The following ADSL variants were observed in gnomAD, a reference collection of about 807,000 sequenced individuals.
ADSL encodes the protein adenylosuccinase.
A neutral mutation model predicts 62.1 loss-of-function variants in ADSL; 44 were observed. The observed-to-expected ratio is 0.71, with a 90% CI of 0.56 to 0.91. The LOEUF (loss-of-function observed/expected upper bound fraction) is 0.91, where lower values mean the gene tolerates loss of function less well. Ranked by LOEUF, ADSL falls within the 40% of genes least tolerant of loss-of-function variation. The probability of loss-of-function intolerance (pLI) is 0.00; values close to 1 mark genes in which losing one functional copy is unlikely to be tolerated. For synonymous variants in ADSL, 198 were observed against 220.5 expected, an observed-to-expected ratio of 0.90 and a Z score of 0.90; for missense variants, 531 against 627.4, an observed-to-expected ratio of 0.85 and a Z score of 1.64.
chr22:40,376,224 A>G (rs1251832192), intron 2 of ADSL: 2 of 111,964 alleles, frequency 1.8e-5, no homozygotes, highest in Non-Finnish European at 3.4e-5. Context: ...TTTTGGAAAC[A>G]GTACGGTAGT....
chr22:40,347,789 A>G lies in ADSL; in HGVS notation c.153+1078A>G, dbSNP rs5757922. Among the ~76,000 whole-genome samples the G allele has an allele frequency of 0.014, 2,100 of 152,338 alleles. 330 individuals are homozygous for G. The East Asian group carries it at 0.34, about 25-fold the overall frequency. ...CCCTGAAGAGTAGGTATGAAATACT[A>G]TGACTGTACCTGTTTTACAGATGGA... On this transcript the variant is annotated intron_variant, in intron 1 of 12. Transcript: ENST00000623063.
At chr22:40,362,906 A>C in intron 9 of ADSL, 75 bp from the exon 10 acceptor site, 1 of 1,350,552 alleles carries the variant, frequency 7.4e-7, no homozygotes, top group Non-Finnish European at 1.1e-6. Flanking sequence ...CAGTAGGGCA[A>C]CTTGTTGGGA....
At chr22:40,373,238 T>C (rs890048777), downstream of ADSL, 10 of 152,218 alleles carry the variant, frequency 6.6e-5, no homozygotes, top group African/African-American at 1.9e-4. Flanking sequence ...TGTACTACCT[T>C]ATCAACAACT....
chr22:40,359,871 G>T (rs1169832293), intron 6 of ADSL, among the ~76,000 whole-genome samples: 4 of 152,112 alleles, frequency 2.6e-5, no homozygotes, highest in South Asian at 4.1e-4. Flanking sequence ...AAAAGAAAAT[G>T]ATTTACTTCT....
intron 11 of ADSL, 195 bp downstream of exon 11, chr22:40,364,560 T>G (rs2044926448): frequency 2.9e-6 from 2 of 682,374 alleles, no homozygotes; most frequent in African/African-American, 1.8e-5. Flanking sequence ...AATTACTTAA[T>G]CACTTGTAGG....
At chr22:40,363,184 C>T in intron 10 of ADSL, 113 bp downstream of exon 10, 1 of 944,948 alleles carries the variant, frequency 1.1e-6, no homozygotes, top group South Asian at 1.3e-5. Flanking sequence ...GCATTCTTCC[C>T]ACCCGAGCTC....
chr22:40,362,757 C>T (rs1569101154), intron 9 of ADSL, among the ~76,000 whole-genome samples: 1 of 152,146 alleles, frequency 6.6e-6, no homozygotes, highest in Non-Finnish European at 1.5e-5. Context: ...ACCCATAGAT[C>T]AACCAGGTGG....
chr22:40,383,877 G>A (rs2047995085), intron 2 of ADSL, among the ~76,000 whole-genome samples: 1 of 152,186 alleles, frequency 6.6e-6, no homozygotes. Context: ...TTAAGGCAGT[G>A]GAAATGGAGA....
At chr22:40,373,332 CT>C (rs2146722080), downstream of ADSL, 1 of 152,348 alleles carries the variant, frequency 6.6e-6, no homozygotes, top group Non-Finnish European at 1.5e-5. Flanking sequence ...ATTTCTCCTG[CT>C]TTTCCTTTCT....
At chr22:40,357,629 T>C (rs2044615530) in intron 4 of ADSL, among the ~76,000 whole-genome samples, 1 of 152,230 alleles carries the variant, frequency 6.6e-6, no homozygotes, top group Admixed American at 6.5e-5. Context: ...GTTGTGTAGC[T>C]GTTCTCCATA....
At chr22:40,361,727 A>G (rs2044797362) in intron 9 of ADSL, 92 bp downstream of exon 9, 1 of 1,512,670 alleles carries the variant, frequency 6.6e-7, no homozygotes, top group African/African-American at 1.4e-5. Flanking sequence ...GCATCTCTAC[A>G]GTCTCCTTAT....
intron 3 of ADSL, 161 bp downstream of exon 3, chr22:40,353,278 T>TCTTCTCCTTTCTTCTTCTCTTCCTC: frequency 7.0e-6 from 5 of 710,930 alleles, no homozygotes; most frequent in Non-Finnish European, 7.7e-6. Context: ...AATTGTTTCT[T>TCTTCTCCTTTCTTCTTCTCTTCCTC]CTTCTCCTTT....
At chr22:40,359,614 G>C (rs761872655) in intron 6 of ADSL, among the ~76,000 whole-genome samples, 1 of 151,122 alleles carries the variant, frequency 6.6e-6, no homozygotes, top group Admixed American at 6.6e-5. Flanking sequence ...CTCGGCTCAC[G>C]GCAGCCTCCG....
intron 2 of ADSL, among the ~76,000 whole-genome samples, chr22:40,379,089 C>T (rs561030037): frequency 2.0e-5 from 3 of 152,284 alleles, no homozygotes; most frequent in Admixed American, 6.5e-5. Flanking sequence ...TACTCTGTAG[C>T]ACTATTCATC....
In ADSL at chr22:40,365,181, G is replaced by C. The variant is rs184223562; in HGVS notation, c.1368+125G>C. The C allele has an allele frequency of 3.5e-3, 3,649 of 1,052,328 alleles. 14 individuals carry two copies. The highest frequency in any genetic ancestry group is 4.8e-3 in the Non-Finnish European group (3,339 of 697,796). 65.2% of individuals were successfully genotyped at this position (1,052,328 alleles called of 1,614,324 possible). ...TAGAAGAAAATCAGAGCAGGTTGCT[G>C]GCTAAAACTTAGATATTTCGGTTTT... On this transcript the variant is annotated intron_variant, in intron 12 of 12. Transcript: ENST00000623063.
chr22:40,371,664 C>T (rs775229402), downstream of ADSL, among the ~76,000 whole-genome samples: 5 of 151,904 alleles, frequency 3.3e-5, no homozygotes, highest in Non-Finnish European at 7.4e-5. Flanking sequence ...TATTTCTGTT[C>T]TTGGTGATTA....
intron 2 of ADSL, among the ~76,000 whole-genome samples, chr22:40,377,552 T>C (rs2046839772): frequency 6.6e-6 from 1 of 152,224 alleles, no homozygotes; most frequent in Non-Finnish European, 1.5e-5. Context: ...AGAGTTAAAA[T>C]AGGCCTGGTG....
At chr22:40,374,194 C>T (rs557302068), downstream of ADSL, among the ~76,000 whole-genome samples, 65 of 152,154 alleles carry the variant, frequency 4.3e-4, no homozygotes, top group African/African-American at 1.4e-3. Context: ...CCTCGTGATC[C>T]GCCTGCCTCG....
intron 4 of ADSL, among the ~76,000 whole-genome samples, chr22:40,356,087 A>G (rs966380207): frequency 6.6e-5 from 10 of 151,768 alleles, no homozygotes; most frequent in Admixed American, 5.9e-4. Flanking sequence ...CTATAGTCCC[A>G]GCTACTTGGG....
Sources: allele counts gnomAD v4.1 joint callset (sites outside exome capture counted in the v4.1 genomes callset), GRCh38; gene constraint gnomAD v4.1.1; transcripts MANE v1.5; gene names NCBI Gene and HGNC (gene_info 2026-07-23, HGNC 2026-07-21).